UTP20: variants seen among roughly 807,000 people sequenced by gnomAD.
The protein encoded by UTP20 is small subunit processome component 20 homolog.
A neutral mutation model predicts 329.5 loss-of-function variants in UTP20; 164 were observed. The observed-to-expected ratio is 0.50, with a 90% CI of 0.44 to 0.57. The LOEUF (loss-of-function observed/expected upper bound fraction) is 0.57. Ranked by LOEUF, UTP20 falls within the 20% of genes least tolerant of loss-of-function variation. UTP20 has a pLI of 0.00. For missense variants in UTP20, 3,055 were observed against 3,284.2 expected, an observed-to-expected ratio of 0.93 and a Z score of 1.71; for synonymous variants, 1,151 against 1,159.3, an observed-to-expected ratio of 0.99 and a Z score of 0.14.
intron 26 of UTP20, 29 bp from the exon 27 acceptor site, chr12:101,329,212 A>G (rs1473332341): frequency 3.8e-6 from 6 of 1,584,980 alleles, no homozygotes; most frequent in Middle Eastern, 3.3e-4. Context: ...GTTACCTTAC[A>G]TGACCTCTCG....
intron 26 of UTP20, among the ~76,000 whole-genome samples, chr12:101,328,918 T>C (rs958350576): frequency 6.6e-6 from 1 of 151,500 alleles, no homozygotes; most frequent in African/African-American, 2.4e-5. Flanking sequence ...TATTCATAAC[T>C]CAGGTTTTGA....
At chr12:101,367,749 A>C in intron 47 of UTP20, 111 bp from the exon 48 acceptor site, 3 of 699,200 alleles carry the variant, frequency 4.3e-6, no homozygotes, top group Non-Finnish European at 7.5e-6. Flanking sequence ...TATCATTTCT[A>C]ATAGAAGTAT....
chr12:101,344,372 A>C (rs1869249605), intron 35 of UTP20, among the ~76,000 whole-genome samples: 1 of 152,206 alleles, frequency 6.6e-6, no homozygotes, highest in African/African-American at 2.4e-5. Context: ...CCTGAAATTA[A>C]ATGACACTTC....
At position 101,386,550 on chromosome 12, in the gene UTP20, A is replaced by AGAT. The variant is rs1870844049; in HGVS notation, c.*428_*430dup. On this transcript the variant is annotated 3_prime_UTR_variant, in exon 62 of 62. Coordinates refer to ENST00000261637, the MANE Select transcript of UTP20 (RefSeq NM_014503.3). ...TATTTAAGTTAGTTAAACTTTGGAT[A>AGAT]GATTGTATAATATATAGTTTAATGT... The AGAT allele has an allele frequency of 6.5e-6, 1 of 153,484 alleles. No individual in the cohort carries two copies. The highest frequency in any genetic ancestry group is 1.9e-4 in the East Asian group (1 of 5,250). The allele number at this position is 153,484 out of a possible 1,614,324, so 9.5% of individuals were successfully genotyped here.
At position 101,343,034 on chromosome 12, in the gene UTP20, C is replaced by G; in HGVS notation, c.4390C>G (p.Gln1464Glu). Reference sequence around the variant, plus strand: ...CATCACCTCTTACATTAAAGAAATGCAAATTGTGGATGTTAACTACCTAAT... The same window carrying G: ...CATCACCTCTTACATTAAAGAAATGGAAATTGTGGATGTTAACTACCTAAT... ...QTITSYIKEMQIVDVNYLIPV... is the reference protein window; with the variant it reads ...QTITSYIKEMEIVDVNYLIPV... The change falls in exon 35 of 62, where the codon CAA (glutamine) becomes GAA (glutamate). Residue 1464 changes from glutamine to glutamate, a missense_variant. By Grantham distance (29) the Gln-to-Glu change is conservative. Transcript: ENST00000261637. 2 of 1,613,204 alleles carry G rather than the reference C, an allele frequency of 1.2e-6. No individual in the cohort carries two copies. Among genetic ancestry groups the G allele is most frequent in the Non-Finnish European group, 1.7e-6 (2 of 1,179,362 alleles).
At chr12:101,288,928 A>G in intron 5 of UTP20, 32 bp from the exon 6 acceptor site, 1 of 1,553,866 alleles carries the variant, frequency 6.4e-7, no homozygotes, top group Non-Finnish European at 8.8e-7. Context: ...TTATATGATT[A>G]ATGAAATGTA....
At chr12:101,292,692 C>T (rs560167750) in intron 10 of UTP20, among the ~76,000 whole-genome samples, 94 of 152,246 alleles carry the variant, frequency 6.2e-4, no homozygotes, top group South Asian at 6.2e-4. Flanking sequence ...GCAGTCTGAG[C>T]GCATGGACAC....
At chr12:101,295,838 A>G (rs911396957) in intron 12 of UTP20, among the ~76,000 whole-genome samples, 180 bp downstream of exon 12, 11 of 131,570 alleles carry the variant, frequency 8.4e-5, no homozygotes, top group African/African-American at 3.3e-4. Flanking sequence ...CTCATTTTGC[A>G]AGGTAAAGCA....
Position 101,327,062 on chromosome 12 carries a change from T to A in UTP20, c.3042-19T>A. 1 of 1,576,734 alleles carries A rather than the reference T, an allele frequency of 6.3e-7. No homozygotes were observed. Among genetic ancestry groups the A allele is most frequent in the Non-Finnish European group, 8.7e-7 (1 of 1,152,572 alleles). ...TTAGAATTAATGTGCAAACAAATAA[T>A]GTGCTTTTGCCTTTTCAGAATTTTG... On this transcript the variant is annotated intron_variant, in intron 25 of 61. Coordinates refer to ENST00000261637, the MANE Select transcript of UTP20 (RefSeq NM_014503.3).
intron 12 of UTP20, among the ~76,000 whole-genome samples, chr12:101,296,549 C>T (rs1366517961): frequency 1.4e-5 from 2 of 143,830 alleles, no homozygotes; most frequent in East Asian, 2.1e-4. Flanking sequence ...CCAGCCTGCA[C>T]GACAGAGCGA....
Position 101,338,972 on chromosome 12 carries a change from G to T in UTP20, c.4013+15G>T. 1.3e-6 allele frequency: 2 copies of T among 1,569,466 alleles called. No homozygotes were observed. The highest frequency in any genetic ancestry group is 1.2e-5 in the South Asian group (1 of 83,364). Reference sequence around the variant, plus strand: ...ATTCTTTCAAAGTAAGTGATATGTTGATACTTAAAAGATAACATTACCATC... The same window carrying T: ...ATTCTTTCAAAGTAAGTGATATGTTTATACTTAAAAGATAACATTACCATC... On this transcript the variant is annotated intron_variant, in intron 31 of 61. Coordinates refer to ENST00000261637, the MANE Select transcript of UTP20 (RefSeq NM_014503.3).
At chr12:101,356,169 C>T (rs1869714782) in intron 41 of UTP20, among the ~76,000 whole-genome samples, 1 of 152,184 alleles carries the variant, frequency 6.6e-6, no homozygotes, top group Non-Finnish European at 1.5e-5. Flanking sequence ...TCTTGTTGCC[C>T]AGGCTGGAGT....
At chr12:101,331,748 T>TA (rs1273716255) in intron 27 of UTP20, among the ~76,000 whole-genome samples, 1 of 152,190 alleles carries the variant, frequency 6.6e-6, no homozygotes, top group African/African-American at 2.4e-5. Context: ...GTTGTCTTTA[T>TA]AAATTGCAAG....
At position 101,379,394 on chromosome 12, in the gene UTP20, C is replaced by T. The variant is rs1223117007; in HGVS notation, c.7420C>T (p.His2474Tyr). Residue 2474 changes from histidine (H) to tyrosine (Y), a missense_variant, in exon 57 of 62, where the codon CAT (histidine) becomes TAT (tyrosine). By Grantham distance (83) the His-to-Tyr change is moderately conservative (BLOSUM62 2). Coordinates refer to ENST00000261637, the MANE Select transcript of UTP20 (RefSeq NM_014503.3). ...IWSHVHSHLR[H>Y]PHNWVWLTAA... ...AGGTCATGTGCATTCTCACCTGAGA[C>T]ATCCACACAACTGGGTGTGGCTCAC... The T allele has an allele frequency of 6.2e-6, 10 of 1,611,600 alleles. No homozygotes were observed. Among genetic ancestry groups the T allele is most frequent in the Non-Finnish European group, 8.5e-6 (10 of 1,178,382 alleles).
At chr12:101,314,642 A>C (rs1872907303) in intron 21 of UTP20, among the ~76,000 whole-genome samples, 1 of 149,864 alleles carries the variant, frequency 6.7e-6, no homozygotes, top group African/African-American at 2.5e-5. Flanking sequence ...TGGGCGACAG[A>C]GCGAGACTCT....
Position 101,280,305 on chromosome 12 carries a change from A to C in UTP20, c.23A>C (p.His8Pro). 1 of 1,551,688 alleles carries C rather than the reference A, an allele frequency of 6.4e-7. No individual in the cohort carries two copies. Among genetic ancestry groups the C allele is most frequent in the Non-Finnish European group, 8.7e-7 (1 of 1,146,968 alleles). ...GCCATGAAGACAAAGCCCGTTTCCC[A>C]CAAGACCGAGAACACCTACCGGGTG... MKTKPVS[H>P]KTENTYRFLT... Residue 8 changes from histidine (H) to proline (P), a missense_variant, in exon 1 of 62, where the codon CAC (histidine) becomes CCC (proline). Physicochemically the swap from His to Pro is moderately conservative, Grantham distance 77 (BLOSUM62 -2). Transcript: ENST00000261637.
At chr12:101,332,932 T>C (rs985630975) in intron 27 of UTP20, among the ~76,000 whole-genome samples, 11 of 152,148 alleles carry the variant, frequency 7.2e-5, no homozygotes, top group Middle Eastern at 3.2e-3. Flanking sequence ...GGGAAAAAAA[T>C]TTTAAAAAAA....
At position 101,367,933 on chromosome 12, in the gene UTP20, T is replaced by C; in HGVS notation, c.6341T>C (p.Phe2114Ser). 6.2e-7 allele frequency: 1 copy of C among 1,613,798 alleles called. No individual in the cohort carries two copies. Among genetic ancestry groups the C allele is most frequent in the Non-Finnish European group, 8.5e-7 (1 of 1,179,776 alleles). Residue 2114 changes from phenylalanine (F) to serine (S), a missense_variant, in exon 48 of 62, where the codon TTT becomes TCT. By Grantham distance (155) the Phe-to-Ser change is radical. This residue lies in a region of UTP20 where 2,445 missense variants were observed against 2,575.5 expected (regional missense o/e 0.95). Transcript: ENST00000261637. Reference sequence around the variant, plus strand: ...TGTGTCCTGGAAATGCTGGATCCTTTTGTGTCTCTCCTCATAGACTGCCTG... The same window carrying C: ...TGTGTCCTGGAAATGCTGGATCCTTCTGTGTCTCTCCTCATAGACTGCCTG... ...GECVLEMLDPFVSLLIDCLGS... is the reference protein window; with the variant it reads ...GECVLEMLDPSVSLLIDCLGS...
At chr12:101,311,553 C>T (rs1484050341) in intron 19 of UTP20, among the ~76,000 whole-genome samples, 166 bp from the exon 20 acceptor site, 1 of 151,906 alleles carries the variant, frequency 6.6e-6, no homozygotes, top group Non-Finnish European at 1.5e-5. Context: ...TCAGTGCAGG[C>T]ATTTTGAAAA....
Sources: allele counts gnomAD v4.1 joint callset (sites outside exome capture counted in the v4.1 genomes callset), GRCh38; gene constraint gnomAD v4.1.1; regional missense constraint gnomAD v4.1.1; transcripts MANE v1.5; gene names NCBI Gene and HGNC (gene_info 2026-07-23, HGNC 2026-07-21).